The following CLASP1 variants were observed in gnomAD, a reference collection of about 807,000 sequenced individuals.
CLASP1 encodes the protein CLIP-associating protein 1.
Under a neutral mutation model 192.3 loss-of-function variants are expected in CLASP1, and 38 were observed. The observed-to-expected ratio is 0.20, with a 90% CI of 0.15 to 0.26. The LOEUF is 0.26. Ranked by LOEUF, CLASP1 falls within the 10% of genes least tolerant of loss-of-function variation. CLASP1 has a pLI of 1.00. For missense variants in CLASP1, 1,433 were observed against 1,932.5 expected (o/e 0.74, Z 4.85); for synonymous variants, 691 against 712.8 (o/e 0.97, Z 0.49).
intron 9 of CLASP1, among the ~76,000 whole-genome samples, chr2:121,468,472 C>G (rs1407787103): frequency 6.6e-6 from 1 of 152,062 alleles, no homozygotes; most frequent in African/African-American, 2.4e-5. Context: ...TTGTAGTGCT[C>G]CTTGAGGAAA....
intron 2 of CLASP1, among the ~76,000 whole-genome samples, chr2:121,577,617 TAA>T (rs1237864478): frequency 6.6e-6 from 1 of 152,218 alleles, no homozygotes; most frequent in Non-Finnish European, 1.5e-5. Flanking sequence ...CAACTTCTCA[TAA>T]AGACACTGAC....
intron 7 of CLASP1, among the ~76,000 whole-genome samples, chr2:121,505,748 C>T (rs777597273): frequency 1.3e-5 from 2 of 152,186 alleles, no homozygotes; most frequent in Non-Finnish European, 2.9e-5. Flanking sequence ...TTGACAACCA[C>T]CATCTTCCTC....
rs550031304 is a variant in CLASP1 at position 121,590,484 on chromosome 2, T to C, written c.195+15217A>G. 2.6e-5 allele frequency among the ~76,000 whole-genome samples: 4 copies of C among 152,350 alleles called. No homozygotes were observed. The South Asian group carries it at 6.2e-4, about 24-fold the overall frequency. ...AACTTACTCAGTGCTAAGATGATCA[T>C]GACACATGTTAAACAGCTGACAAAA... On this transcript the variant is annotated intron_variant, in intron 2 of 39. Coordinates refer to ENST00000263710, the Ensembl canonical transcript of CLASP1.
In CLASP1 at chr2:121,438,813, T is replaced by C. The variant is rs540922204; in HGVS notation, c.1912+8524A>G. ...TCTCTTTTTTGGTTGTGTCTCTGCC[T>C]GGCTTTGGTATCAGAATGATGCTGG... On this transcript the variant is annotated intron_variant, in intron 19 of 39. Transcript: ENST00000263710. 9.3e-5 allele frequency among the ~76,000 whole-genome samples: 14 copies of C among 150,944 alleles called. No individual in the cohort carries two copies. The South Asian group carries it at 1.1e-3, about 11-fold the overall frequency.
chr2:121,470,838 AT>A (rs1559336675), intron 8 of CLASP1, among the ~76,000 whole-genome samples: 1 of 152,198 alleles, frequency 6.6e-6, no homozygotes, highest in Non-Finnish European at 1.5e-5. Flanking sequence ...AACATTTAAT[AT>A]TACCATTTTT....
At chr2:121,407,942 C>T in intron 24 of CLASP1, 1 of 653,596 alleles carries the variant, frequency 1.5e-6, no homozygotes, top group Non-Finnish European at 2.8e-6. Context: ...AGTATGGCCT[C>T]TAGTAAAGTG....
intron 10 of CLASP1, 119 bp downstream of exon 10, chr2:121,462,413 G>A: frequency 1.6e-6 from 1 of 607,240 alleles, no homozygotes; most frequent in South Asian, 2.3e-5. Flanking sequence ...ATCTCCTGTA[G>A]TGCTGACAGT....
chr2:121,398,474 G>C, intron 28 of CLASP1, 74 bp from the exon 30 acceptor site: 1 of 1,027,066 alleles, frequency 9.7e-7, no homozygotes, highest in Non-Finnish European at 1.5e-6. Flanking sequence ...TTTAACAAAA[G>C]CATACCATTG....
chr2:121,532,200 T>G (rs1376795238), intron 2 of CLASP1, among the ~76,000 whole-genome samples: 1 of 152,266 alleles, frequency 6.6e-6, no homozygotes, highest in Non-Finnish European at 1.5e-5. Flanking sequence ...CATAAAATGT[T>G]CTTGCAAGAA....
At chr2:121,376,580 T>C (rs1012179367) in intron 34 of CLASP1, among the ~76,000 whole-genome samples, 2 of 152,002 alleles carry the variant, frequency 1.3e-5, no homozygotes, top group Non-Finnish European at 2.9e-5. Context: ...AAATTGCAGC[T>C]AGGTAAGAGG....
intron 8 of CLASP1, among the ~76,000 whole-genome samples, chr2:121,480,839 G>A (rs561888697): frequency 6.9e-4 from 105 of 152,334 alleles, no homozygotes; most frequent in African/African-American, 2.2e-3. Context: ...CTCTTCTTGT[G>A]GACTTAGAGC....
At chr2:121,415,858 T>A (rs969927153) in intron 23 of CLASP1, among the ~76,000 whole-genome samples, 1 of 152,352 alleles carries the variant, frequency 6.6e-6, no homozygotes, top group South Asian at 2.1e-4. Flanking sequence ...CTTTATGAAA[T>A]GTGCATCTCT....
intron 39 of CLASP1, 35 bp from the exon 41 acceptor site, chr2:121,340,982 G>A (rs1261061527): frequency 3.5e-6 from 5 of 1,423,030 alleles, no homozygotes; most frequent in Non-Finnish European, 4.9e-6. Context: ...TTAGCAGGAA[G>A]AAAAGCAATC....
chr2:121,364,616 GC>G (rs2067034572), intron 36 of CLASP1: 1 of 163,026 alleles, frequency 6.1e-6, no homozygotes, highest in South Asian at 1.6e-4. Context: ...TCTGGAACCT[GC>G]CACTTGACTG....
At chr2:121,462,056 A>G (rs2088114566) in intron 10 of CLASP1, among the ~76,000 whole-genome samples, 1 of 152,144 alleles carries the variant, frequency 6.6e-6, no homozygotes, top group South Asian at 2.1e-4. Context: ...TAAGGCACAA[A>G]GCAGTCAAAC....
chr2:121,346,925 G>T (rs1053055886), intron 39 of CLASP1, 113 bp downstream of exon 40: 6 of 648,932 alleles, frequency 9.2e-6, no homozygotes, highest in Non-Finnish European at 1.6e-5. Context: ...ATAAGGCCCA[G>T]CTAAAACACA....
At chr2:121,375,729 CG>C in intron 34 of CLASP1, among the ~76,000 whole-genome samples, 1 of 152,232 alleles carries the variant, frequency 6.6e-6, no homozygotes, top group East Asian at 1.9e-4. Context: ...CAACTAGCCA[CG>C]GGTCTCCTGG....
chr2:121,438,759 A>G (rs1462040452), intron 19 of CLASP1, among the ~76,000 whole-genome samples: 24 of 151,514 alleles, frequency 1.6e-4, no homozygotes, highest in Non-Finnish European at 1.5e-5. Flanking sequence ...TTTTTGCATC[A>G]ATGTTCATCA....
chr2:121,429,476 A>C (rs549875805), intron 20 of CLASP1, among the ~76,000 whole-genome samples: 12 of 152,202 alleles, frequency 7.9e-5, no homozygotes, highest in African/African-American at 2.9e-4. Flanking sequence ...CCAAGTGAGG[A>C]TCTGAAGTGT....
Sources: allele counts gnomAD v4.1 joint callset (sites outside exome capture counted in the v4.1 genomes callset), GRCh38; gene constraint gnomAD v4.1.1; transcripts MANE v1.5; gene names NCBI Gene and HGNC (gene_info 2026-07-23, HGNC 2026-07-21).